NT5C2: variants seen among roughly 807,000 people sequenced by gnomAD.
The protein encoded by NT5C2 is 5'-nucleotidase, cytosolic II, also known as cytosolic purine 5'-nucleotidase.
In NT5C2, 58 loss-of-function variants were observed where a neutral mutation model predicts 76.1. The ratio of observed to expected loss-of-function variants is 0.76; its 90% CI spans 0.62 to 0.95. NT5C2 has a LOEUF of 0.95. Ranked by LOEUF, NT5C2 falls within the 40% of genes least tolerant of loss-of-function variation. The pLI is 0.00. For missense variants in NT5C2, 478 were observed against 690.3 expected, an observed-to-expected ratio of 0.69 and a Z score of 3.45; for synonymous variants, 229 against 237.4, an observed-to-expected ratio of 0.96 and a Z score of 0.32.
chr10:103,111,604 A>G (rs2066323), intron 4 of NT5C2: 200,844 of 489,176 alleles, frequency 0.41, 41,923 homozygotes, highest in East Asian at 0.48. Context: ...CTTTCTGCAG[A>G]GAAGTTTGGA....
In NT5C2 at chr10:103,090,946, C is replaced by G. The variant is rs2066650419; in HGVS notation, c.1262G>C (p.Arg421Thr). The change falls in exon 17 of 19, where the codon AGA (arginine) becomes ACA (threonine). Residue 421 changes from arginine to threonine, a missense_variant. Transcript: ENST00000404739. ...NERPDISSIQ[R>T]RIKKVTHDMD... Reference sequence around the variant, plus strand: ...ATCCCATTTGGATACCTTAATACGTCTCTGGATGGAACTGATGTCTGGACG... The same window carrying G: ...ATCCCATTTGGATACCTTAATACGTGTCTGGATGGAACTGATGTCTGGACG... 2 of 1,613,936 alleles carry G rather than the reference C, an allele frequency of 1.2e-6. No homozygotes were observed. Among genetic ancestry groups the G allele is most frequent in the South Asian group, 2.2e-5 (2 of 91,086 alleles).
chr10:103,184,350 C>T (rs1591882819), intron 1 of NT5C2, among the ~76,000 whole-genome samples: 1 of 152,290 alleles, frequency 6.6e-6, no homozygotes, highest in Non-Finnish European at 1.5e-5. Flanking sequence ...AAGGCCAACA[C>T]TCAATAGTTC....
At chr10:103,123,279 C>A (rs1001664825) in intron 4 of NT5C2, among the ~76,000 whole-genome samples, 1 of 152,070 alleles carries the variant, frequency 6.6e-6, no homozygotes, top group Non-Finnish European at 1.5e-5. Flanking sequence ...TGCACTACCA[C>A]ACACTGCTAA....
chr10:103,117,927 G>A (rs2074750492), intron 4 of NT5C2, among the ~76,000 whole-genome samples: 1 of 151,940 alleles, frequency 6.6e-6, no homozygotes, highest in South Asian at 2.1e-4. Context: ...TGACTATGTA[G>A]AACAATAAAG....
intron 3 of NT5C2, among the ~76,000 whole-genome samples, chr10:103,160,193 C>G (rs769944588): frequency 2.0e-5 from 3 of 151,632 alleles, no homozygotes; most frequent in Non-Finnish European, 4.4e-5. Context: ...TAGTCATGTG[C>G]AAAAAAATGA....
At chr10:103,107,684 T>G (rs903812548) in intron 4 of NT5C2, among the ~76,000 whole-genome samples, 3 of 149,370 alleles carry the variant, frequency 2.0e-5, no homozygotes, top group Non-Finnish European at 3.0e-5. Flanking sequence ...AAAAAAAAAA[T>G]ATGCAAATGT....
rs149634736 is a variant in NT5C2, at chr10:103,182,225, C to T, written c.-168-897G>A. ...CAGGTCTATCAGGCAGTGTTTAACA[C>T]ATGGCAATTTGAATCAAATATTCAT... On this transcript the variant is annotated intron_variant, in intron 1 of 18. Coordinates refer to ENST00000404739, the MANE Select transcript of NT5C2 (RefSeq NM_001351169.2). Among the ~76,000 whole-genome samples, 3 of 152,170 alleles carry T rather than the reference C, an allele frequency of 2.0e-5. No homozygotes were observed. The East Asian group carries it at 5.8e-4, about 29-fold the overall frequency.
intron 3 of NT5C2, among the ~76,000 whole-genome samples, chr10:103,155,151 G>C (rs980446097): frequency 3.3e-5 from 5 of 152,154 alleles, no homozygotes; most frequent in African/African-American, 9.7e-5. Flanking sequence ...AGATAAACTT[G>C]GAAGTCCTTG....
At chr10:103,172,516 G>C (rs1300270982) in intron 3 of NT5C2, among the ~76,000 whole-genome samples, 1 of 151,636 alleles carries the variant, frequency 6.6e-6, no homozygotes, top group African/African-American at 2.4e-5. Flanking sequence ...CAAAGTGCTA[G>C]GATTACAGGA....
At chr10:103,094,609 C>G in intron 12 of NT5C2, 154 bp from the exon 13 acceptor site, 1 of 599,880 alleles carries the variant, frequency 1.7e-6, no homozygotes. Flanking sequence ...GTCAGCCAGG[C>G]ACAGTGGCTC....
At chr10:103,119,430 T>C (rs760866712) in intron 4 of NT5C2, among the ~76,000 whole-genome samples, 2 of 152,128 alleles carry the variant, frequency 1.3e-5, no homozygotes, top group East Asian at 3.9e-4. Context: ...AAGTGCTCAT[T>C]CCCTCACACA....
chr10:103,164,419 A>G (rs960143486), intron 3 of NT5C2, among the ~76,000 whole-genome samples: 1 of 151,908 alleles, frequency 6.6e-6, no homozygotes, highest in Admixed American at 6.6e-5. Context: ...CACCACGCCC[A>G]GCTAATTTTT....
At chr10:103,177,393 C>T (rs2090190927) in intron 2 of NT5C2, among the ~76,000 whole-genome samples, 1 of 152,178 alleles carries the variant, frequency 6.6e-6, no homozygotes, top group Admixed American at 6.5e-5. Context: ...TGAAAAATAT[C>T]CTCTTAGAGT....
At chr10:103,185,839 C>T (rs1262656189) in intron 1 of NT5C2, among the ~76,000 whole-genome samples, 1 of 152,124 alleles carries the variant, frequency 6.6e-6, no homozygotes, top group Non-Finnish European at 1.5e-5. Flanking sequence ...CACAGTATTT[C>T]TACCTTTTAA....
intron 3 of NT5C2, among the ~76,000 whole-genome samples, chr10:103,168,097 C>A (rs2086858356): frequency 6.8e-6 from 1 of 147,040 alleles, no homozygotes; most frequent in Non-Finnish European, 1.5e-5. Flanking sequence ...GAAGCCTAAA[C>A]TGCAACTAAA....
intron 3 of NT5C2, among the ~76,000 whole-genome samples, chr10:103,162,877 A>G (rs1267108332): frequency 6.6e-6 from 1 of 152,174 alleles, no homozygotes; most frequent in African/African-American, 2.4e-5. Context: ...CCTAACTCAC[A>G]TAATAGTTAC....
chr10:103,133,863 A>G (rs1312768744), intron 4 of NT5C2, among the ~76,000 whole-genome samples: 1 of 152,200 alleles, frequency 6.6e-6, no homozygotes, highest in Non-Finnish European at 1.5e-5. Context: ...TCAGATGGAA[A>G]TGAGGAACTT....
chr10:103,136,468 A>G (rs2079261399), intron 4 of NT5C2, among the ~76,000 whole-genome samples: 1 of 152,220 alleles, frequency 6.6e-6, no homozygotes, highest in Non-Finnish European at 1.5e-5. Flanking sequence ...CTGGCATATA[A>G]TAAGTACTTA....
At chr10:103,178,280 G>A (rs1450541288) in intron 2 of NT5C2, among the ~76,000 whole-genome samples, 5 of 152,228 alleles carry the variant, frequency 3.3e-5, no homozygotes, top group African/African-American at 9.6e-5. Context: ...AGGCGCAGTG[G>A]CTCATGCCTA....
Sources: gnomAD v4.1 joint callset for allele counts (sites outside exome capture counted in the v4.1 genomes callset) on GRCh38, gnomAD v4.1.1 for gene constraint, MANE v1.5 for transcripts, NCBI Gene and HGNC (gene_info 2026-07-23, HGNC 2026-07-21) for gene names.